TPTE2: variants seen among roughly 807,000 people sequenced by gnomAD.
The protein encoded by TPTE2 is transmembrane phosphoinositide 3-phosphatase and tensin homolog 2.
In TPTE2, 53 loss-of-function variants were observed where a neutral mutation model predicts 78.6. That is an observed-to-expected ratio of 0.67 (90% CI 0.54 to 0.85). TPTE2 has a LOEUF of 0.85. Ranked by LOEUF, TPTE2 falls within the 40% of genes least tolerant of loss-of-function variation. The pLI is 0.00. For synonymous variants in TPTE2, 175 were observed against 206.2 expected (o/e 0.85, Z 1.30); for missense variants, 461 against 623.0 (o/e 0.74, Z 2.77).
At chr13:19,555,895 C>G in the TPTE2 span, among the ~76,000 whole-genome samples, 1 of 146,690 alleles carries the variant, frequency 6.8e-6, no homozygotes. Context: ...TCACTGCAAC[C>G]TCCGCCTCCT....
rs1880655883 is a variant in TPTE2, at chr13:19,486,263, T to C, written c.120-3716A>G. ...GCAGTAAGTGTAGTCTCCATGTAGTTTATTCAGCTGTGATCTACACTAGTA... is the reference window on the plus strand; with the variant it reads ...GCAGTAAGTGTAGTCTCCATGTAGTCTATTCAGCTGTGATCTACACTAGTA... On this transcript the variant is annotated intron_variant, in intron 3 of 19. Coordinates refer to ENST00000400230, the Ensembl canonical transcript of TPTE2. The surrounding 1 kb of genome is among the most constrained non-coding windows in gnomAD (Gnocchi z 4.3). 7.6e-6 allele frequency among the ~76,000 whole-genome samples: 1 copy of C among 131,202 alleles called. No homozygotes were observed. The highest frequency in any genetic ancestry group is 7.6e-5 in the Admixed American group (1 of 13,184). The allele number at this position is 131,202 out of a possible 152,430, so 86.1% of individuals were successfully genotyped here.
At chr13:19,506,300 T>C (rs1279975952), upstream of TPTE2, among the ~76,000 whole-genome samples, 1 of 145,550 alleles carries the variant, frequency 6.9e-6, no homozygotes, top group Non-Finnish European at 1.5e-5. Flanking sequence ...GCCTCCCAAG[T>C]AGCTGGGACT....
chr13:19,430,327 G>T (rs973223912), intron 17 of TPTE2, 141 bp downstream of exon 20: 1 of 670,500 alleles, frequency 1.5e-6, no homozygotes, highest in Non-Finnish European at 2.6e-6. Flanking sequence ...CAAACCCAGT[G>T]ACACCAAGTT....
chr13:19,478,266 C>A (rs1428938180), intron 4 of TPTE2, among the ~76,000 whole-genome samples: 1 of 151,980 alleles, frequency 6.6e-6, no homozygotes, highest in Non-Finnish European at 1.5e-5. Flanking sequence ...ACTCATCTGA[C>A]AAAGGGCTAA....
intron 18 of TPTE2, 70 bp from the exon 22 acceptor site, chr13:19,425,087 C>T: frequency 1.3e-6 from 1 of 741,686 alleles, no homozygotes; most frequent in Non-Finnish European, 2.2e-6. Flanking sequence ...ATTAAAGTTC[C>T]TTTCTTTATT....
intron 1 of TPTE2, among the ~76,000 whole-genome samples, chr13:19,533,612 G>A (rs1871017762): frequency 6.6e-6 from 1 of 152,160 alleles, no homozygotes; most frequent in African/African-American, 2.4e-5. Flanking sequence ...TTTGAAGCAA[G>A]TAGTATGTAT....
At chr13:19,506,560 T>C (rs1869065989), upstream of TPTE2, among the ~76,000 whole-genome samples, 1 of 152,216 alleles carries the variant, frequency 6.6e-6, no homozygotes, top group Admixed American at 6.5e-5. Flanking sequence ...TGAGGAATTA[T>C]AAAAGCATAT....
chr13:19,558,071 G>T, the TPTE2 span, among the ~76,000 whole-genome samples: 3 of 152,030 alleles, frequency 2.0e-5, no homozygotes, highest in African/African-American at 7.2e-5. Flanking sequence ...ATTATCAATT[G>T]GTCCAAGATT....
At chr13:19,473,548 G>A (rs1879753888) in intron 6 of TPTE2, among the ~76,000 whole-genome samples, 1 of 150,560 alleles carries the variant, frequency 6.6e-6, no homozygotes, top group South Asian at 2.1e-4. Context: ...AGGCCCAAAG[G>A]CTCTTAAGTC....
At chr13:19,547,228 G>T in the TPTE2 span, among the ~76,000 whole-genome samples, 2 of 152,142 alleles carry the variant, frequency 1.3e-5, no homozygotes, top group African/African-American at 2.4e-5. Context: ...AGGCTGAGGC[G>T]GGTGGATTGC....
chr13:19,437,107 T>C (rs1877154959), intron 14 of TPTE2, among the ~76,000 whole-genome samples: 1 of 152,192 alleles, frequency 6.6e-6, no homozygotes, highest in Non-Finnish European at 1.5e-5. Flanking sequence ...TATTCTGCTC[T>C]ATTCCATTTT....
At chr13:19,474,223 G>A in intron 5 of TPTE2, 148 bp from the exon 9 acceptor site, 1 of 837,608 alleles carries the variant, frequency 1.2e-6, no homozygotes, top group South Asian at 3.4e-5. Context: ...CCAGTGGCAG[G>A]AAAAACTGTA....
chr13:19,514,625 G>GTGTGTGTGTGTGTGTGTGTGTGTGTGTC (rs1185785729), intron 1 of TPTE2, among the ~76,000 whole-genome samples: 1 of 149,912 alleles, frequency 6.7e-6, no homozygotes, highest in South Asian at 2.1e-4. Context: ...GTGTGTGTGT[G>GTGTGTGTGTGTGTGTGTGTGTGTGTGTC]TGTGTCTGTG....
chr13:19,423,778 AG>A (rs1875782773), intron 19 of TPTE2, among the ~76,000 whole-genome samples: 2 of 152,236 alleles, frequency 1.3e-5, no homozygotes, highest in Admixed American at 6.5e-5. Flanking sequence ...TATAAAAGTA[AG>A]AATAAAAGTG....
At chr13:19,530,093 T>C (rs1196342928) in intron 1 of TPTE2, among the ~76,000 whole-genome samples, 2 of 152,222 alleles carry the variant, frequency 1.3e-5, no homozygotes, top group East Asian at 1.9e-4. Flanking sequence ...AGATTATCCA[T>C]ACAATTATTC....
At chr13:19,444,507 G>C (rs1299583892) in intron 13 of TPTE2, among the ~76,000 whole-genome samples, 5 of 151,858 alleles carry the variant, frequency 3.3e-5, no homozygotes, top group African/African-American at 9.7e-5. Context: ...CCAAAAATAC[G>C]CAAGCTTTCT....
chr13:19,522,883 C>T (rs1043759980), intron 1 of TPTE2, among the ~76,000 whole-genome samples: 5 of 152,204 alleles, frequency 3.3e-5, no homozygotes, highest in Admixed American at 1.3e-4. Flanking sequence ...GCCTCAGCCT[C>T]CCAAAGTGCT....
the TPTE2 span, chr13:19,561,008 TC>T: frequency 1.3e-6 from 2 of 1,579,146 alleles, no homozygotes; most frequent in Non-Finnish European, 1.7e-6. Flanking sequence ...GGAGGCCACG[TC>T]CCCACAGACC....
chr13:19,492,263 G>A (rs1013750257), intron 3 of TPTE2, among the ~76,000 whole-genome samples: 2 of 152,286 alleles, frequency 1.3e-5, no homozygotes, highest in Non-Finnish European at 1.5e-5. Context: ...CAATGAGGTG[G>A]TGGGTTTGGG....
Sources: allele counts gnomAD v4.1 joint callset (sites outside exome capture counted in the v4.1 genomes callset), GRCh38; gene constraint gnomAD v4.1.1; non-coding constraint Gnocchi (gnomAD v3.1); transcripts MANE v1.5; gene names NCBI Gene and HGNC (gene_info 2026-07-23, HGNC 2026-07-21).